THRB: variants seen among roughly 807,000 people sequenced by gnomAD.
THRB encodes the protein thyroid hormone receptor beta.
A neutral mutation model predicts 47.8 loss-of-function variants in THRB; 12 were observed. That is an observed-to-expected ratio of 0.25 (90% CI 0.16 to 0.41). The LOEUF is 0.41. Among genes scored for constraint, THRB ranks in the 10% least tolerant of loss-of-function variants. The pLI is 1.00. For synonymous variants in THRB, 218 were observed against 212.2 expected, an observed-to-expected ratio of 1.03 and a Z score of -0.24; for missense variants, 348 against 589.2, an observed-to-expected ratio of 0.59 and a Z score of 4.24.
intron 1 of THRB, among the ~76,000 whole-genome samples, chr3:24,431,767 A>G (rs999112456): frequency 2.0e-5 from 3 of 152,126 alleles, no homozygotes; most frequent in Non-Finnish European, 4.4e-5. Context: ...ACTACACAGA[A>G]CAAAGTGATA....
intron 4 of THRB, among the ~76,000 whole-genome samples, chr3:24,207,666 A>ACTTTTG: frequency 6.6e-6 from 1 of 152,178 alleles, no homozygotes; most frequent in Non-Finnish European, 1.5e-5. Context: ...CAAAGCCAGC[A>ACTTTTG]AAAGAGCCTA....
chr3:24,372,049 C>T (rs964057095), intron 1 of THRB, among the ~76,000 whole-genome samples: 4 of 152,042 alleles, frequency 2.6e-5, no homozygotes, highest in Non-Finnish European at 5.9e-5. Context: ...TGCTTTGGTA[C>T]CTTCACACAT....
chr3:24,229,229 A>AT (rs1431025126), intron 3 of THRB, among the ~76,000 whole-genome samples: 2 of 152,096 alleles, frequency 1.3e-5, no homozygotes, highest in African/African-American at 2.4e-5. Flanking sequence ...TTAAAAATAA[A>AT]TTTTTTATCA....
chr3:24,281,788 G>T (rs1327269220), intron 3 of THRB, among the ~76,000 whole-genome samples: 1 of 149,806 alleles, frequency 6.7e-6, no homozygotes, highest in African/African-American at 2.5e-5. Context: ...TGCAATCCTA[G>T]TCTCTGATAA....
intron 3 of THRB, among the ~76,000 whole-genome samples, chr3:24,268,872 A>T (rs896518539): frequency 3.5e-5 from 5 of 143,900 alleles, no homozygotes; most frequent in African/African-American, 1.3e-4. Flanking sequence ...ACATTATTAT[A>T]TTTTATAAAA....
chr3:24,312,603 T>C (rs1336981611), intron 2 of THRB, among the ~76,000 whole-genome samples: 1 of 152,148 alleles, frequency 6.6e-6, no homozygotes, highest in East Asian at 1.9e-4. Context: ...TGAGAACTGA[T>C]CTCCTTCTAT....
intron 1 of THRB, among the ~76,000 whole-genome samples, chr3:24,372,215 C>T (rs947119288): frequency 6.6e-6 from 1 of 151,988 alleles, no homozygotes; most frequent in Non-Finnish European, 1.5e-5. Flanking sequence ...CCTCCCAAAA[C>T]CCCAATTTAT....
chr3:24,409,881 T>C (rs1261765493), intron 1 of THRB, among the ~76,000 whole-genome samples: 1 of 151,862 alleles, frequency 6.6e-6, no homozygotes, highest in East Asian at 2.0e-4. Context: ...CTGTAGACAT[T>C]CCTGCATTCA....
At chr3:24,131,883 G>C (rs2033910966) in intron 9 of THRB, among the ~76,000 whole-genome samples, 1 of 152,198 alleles carries the variant, frequency 6.6e-6, no homozygotes, top group Non-Finnish European at 1.5e-5. Context: ...CCTGAACTAA[G>C]ACACCTGGCC....
intron 3 of THRB, among the ~76,000 whole-genome samples, chr3:24,250,422 C>T (rs2050545916): frequency 6.6e-6 from 1 of 152,112 alleles, no homozygotes; most frequent in Non-Finnish European, 1.5e-5. Context: ...AAGTGCCGGG[C>T]ATGGTAACTC....
At chr3:24,271,823 G>A (rs2150662293) in intron 3 of THRB, among the ~76,000 whole-genome samples, 1 of 152,118 alleles carries the variant, frequency 6.6e-6, no homozygotes, top group Non-Finnish European at 1.5e-5. Flanking sequence ...CAGAGTACAG[G>A]TATGTAAGCT....
At chr3:24,478,766 T>C (rs1695871870) in intron 1 of THRB, among the ~76,000 whole-genome samples, 1 of 152,038 alleles carries the variant, frequency 6.6e-6, no homozygotes, top group African/African-American at 2.4e-5. Flanking sequence ...CCCTACCCCA[T>C]GAGGGCGAAG....
At position 24,121,001 on chromosome 3, in the gene THRB, G is replaced by T. The variant is rs2031576459; in HGVS notation, c.*1883C>A. The T allele has an allele frequency of 6.6e-6, 1 of 152,056 alleles. No individual in the cohort carries two copies. The highest frequency in any genetic ancestry group is 1.5e-5 in the Non-Finnish European group (1 of 68,020). The allele number at this position is 152,056 out of a possible 1,614,324, so 9.4% of individuals were successfully genotyped here. On this transcript the variant is annotated 3_prime_UTR_variant, in exon 11 of 11. Coordinates refer to ENST00000646209, the MANE Select transcript of THRB (RefSeq NM_001354712.2). ...CTTTTTCCAAGGCCTCTAAATGGTT[G>T]ACTAGTATTGTGTCAAATTATTATT...
intron 1 of THRB, among the ~76,000 whole-genome samples, chr3:24,462,651 G>A (rs920881454): frequency 1.3e-5 from 2 of 152,184 alleles, no homozygotes; most frequent in African/African-American, 2.4e-5. Context: ...TAAAATGAAT[G>A]CATAAAACCC....
chr3:24,312,233 T>G (rs2057806544), intron 2 of THRB, among the ~76,000 whole-genome samples: 1 of 152,242 alleles, frequency 6.6e-6, no homozygotes, highest in Non-Finnish European at 1.5e-5. Flanking sequence ...CACGGCACCT[T>G]GTAAAACTCC....
At chr3:24,292,935 T>A (rs2056086099) in intron 3 of THRB, among the ~76,000 whole-genome samples, 1 of 152,194 alleles carries the variant, frequency 6.6e-6, no homozygotes, top group African/African-American at 2.4e-5. Flanking sequence ...TGGCTAAAGT[T>A]AAAAAAGTTT....
At chr3:24,404,802 G>A (rs2067691310) in intron 1 of THRB, among the ~76,000 whole-genome samples, 1 of 151,732 alleles carries the variant, frequency 6.6e-6, no homozygotes, top group Admixed American at 6.6e-5. Flanking sequence ...TTAAGAATAA[G>A]ATCAAATAAT....
chr3:24,228,908 C>T, intron 4 of THRB, 30 bp downstream of exon 4: 1 of 1,593,784 alleles, frequency 6.3e-7, no homozygotes, highest in East Asian at 2.2e-5. Context: ...AATGGAGGCA[C>T]ACAAAGAAAA....
intron 5 of THRB, among the ~76,000 whole-genome samples, chr3:24,173,442 G>C (rs1224462283): frequency 6.6e-6 from 1 of 152,170 alleles, no homozygotes; most frequent in Non-Finnish European, 1.5e-5. Context: ...TCTACTTTGA[G>C]TTTTGGTGAC....
Sources: gnomAD v4.1 joint callset for allele counts (sites outside exome capture counted in the v4.1 genomes callset) on GRCh38, gnomAD v4.1.1 for gene constraint, MANE v1.5 for transcripts, NCBI Gene and HGNC (gene_info 2026-07-23, HGNC 2026-07-21) for gene names.